Variants in SGMS1 observed in about 807,000 individuals in gnomAD.
SGMS1 encodes sphingomyelin synthase 1, also known as phosphatidylcholine:ceramide cholinephosphotransferase 1.
A neutral mutation model predicts 46.2 loss-of-function variants in SGMS1; 13 were observed. That is an observed-to-expected ratio of 0.28 (90% CI 0.18 to 0.45). The LOEUF (loss-of-function observed/expected upper bound fraction) is 0.45, where lower values mean the gene tolerates loss of function less well. Ranked by LOEUF, SGMS1 falls within the 20% of genes least tolerant of loss-of-function variation. The pLI, the probability that SGMS1 is intolerant of heterozygous loss-of-function variation, is 1.00. For synonymous variants in SGMS1, 203 were observed against 187.8 expected (o/e 1.08, Z -0.66); for missense variants, 324 against 519.9 (o/e 0.62, Z 3.66).
intron 6 of SGMS1, among the ~76,000 whole-genome samples, chr10:50,408,419 G>C: frequency 8.5e-6 from 1 of 118,224 alleles, no homozygotes; most frequent in East Asian, 2.6e-4. Flanking sequence ...AATATACTGA[G>C]ACCTCATCTC....
At chr10:50,332,352 T>A (rs1320358172) in intron 7 of SGMS1, among the ~76,000 whole-genome samples, 1 of 152,124 alleles carries the variant, frequency 6.6e-6, no homozygotes, top group East Asian at 1.9e-4. Flanking sequence ...TCAAATGTCA[T>A]CTCTCAGAGA....
chr10:50,614,505 G>A (rs1838779270), intron 1 of SGMS1, among the ~76,000 whole-genome samples: 1 of 152,196 alleles, frequency 6.6e-6, no homozygotes, highest in African/African-American at 2.4e-5. Context: ...GCAAAGAGTG[G>A]TCCCCAGACC....
chr10:50,492,860 A>T (rs1226633838), intron 3 of SGMS1, among the ~76,000 whole-genome samples: 1 of 152,214 alleles, frequency 6.6e-6, no homozygotes, highest in Non-Finnish European at 1.5e-5. Flanking sequence ...CTAATGAAAA[A>T]GAACAAGAAC....
intron 6 of SGMS1, among the ~76,000 whole-genome samples, chr10:50,422,517 T>C (rs1173943280): frequency 6.6e-6 from 1 of 152,182 alleles, no homozygotes; most frequent in Non-Finnish European, 1.5e-5. Context: ...AGAGTTTTCA[T>C]GTAAAATCCC....
At chr10:50,355,697 C>T (rs955109610) in intron 6 of SGMS1, among the ~76,000 whole-genome samples, 11 of 152,224 alleles carry the variant, frequency 7.2e-5, no homozygotes, top group Admixed American at 3.3e-4. Context: ...GCTGCCACCC[C>T]GTCTAGGAAG....
chr10:50,306,961 T>C lies in SGMS1; in HGVS notation c.*181A>G. ...TAGGTTAAATTTTTCTTTATTGTTGTCCAACGCAGGTCCTTTGGAGAGAAA... is the reference window on the plus strand; with the variant it reads ...TAGGTTAAATTTTTCTTTATTGTTGCCCAACGCAGGTCCTTTGGAGAGAAA... On this transcript the variant is annotated 3_prime_UTR_variant, in exon 11 of 11. Coordinates refer to ENST00000361781, the MANE Select transcript of SGMS1 (RefSeq NM_147156.4). The C allele has an allele frequency of 3.3e-6, 2 of 601,440 alleles. No individual in the cohort carries two copies. Among genetic ancestry groups the C allele is most frequent in the Non-Finnish European group, 5.7e-6 (2 of 352,992 alleles). 37.3% of individuals were successfully genotyped at this position (601,440 alleles called of 1,614,324 possible). A position where few individuals can be genotyped will look rare whatever the true frequency, so the allele number is the denominator to read the frequency against.
At chr10:50,457,168 T>C (rs369912542) in intron 5 of SGMS1, among the ~76,000 whole-genome samples, 96 of 152,288 alleles carry the variant, frequency 6.3e-4, no homozygotes, top group African/African-American at 2.1e-3. Flanking sequence ...AAAAGAACAT[T>C]TAAGCACATA....
chr10:50,428,441 T>C (rs1272821211), intron 6 of SGMS1, among the ~76,000 whole-genome samples: 2 of 152,116 alleles, frequency 1.3e-5, no homozygotes, highest in African/African-American at 4.8e-5. Context: ...AGTATAATCC[T>C]TTCACAGGGA....
upstream of SGMS1, chr10:50,625,007 GA>G (rs1838909192): frequency 2.0e-6 from 2 of 1,016,334 alleles, no homozygotes; most frequent in Non-Finnish European, 2.4e-6. Context: ...GAGCTGGCGG[GA>G]CCGTCCTCCC....
chr10:50,557,049 C>T (rs1838194879), intron 2 of SGMS1, among the ~76,000 whole-genome samples: 1 of 152,168 alleles, frequency 6.6e-6, no homozygotes, highest in African/African-American at 2.4e-5. Context: ...ATAAGCTTCA[C>T]ATAGTAGGCT....
intron 5 of SGMS1, among the ~76,000 whole-genome samples, chr10:50,458,039 C>G (rs561827931): frequency 4.6e-5 from 7 of 152,306 alleles, no homozygotes; most frequent in Non-Finnish European, 7.4e-5. Flanking sequence ...CCCAAGCAGA[C>G]ACATCCAGTT....
intron 6 of SGMS1, among the ~76,000 whole-genome samples, chr10:50,363,210 C>CGAAGAGAACAGAAGA (rs1369278582): frequency 1.3e-5 from 2 of 151,848 alleles, no homozygotes; most frequent in African/African-American, 4.8e-5. Flanking sequence ...TCAAAACAGT[C>CGAAGAGAACAGAAGA]GAAGAGAACA....
At chr10:50,469,892 C>A (rs1196210372) in intron 3 of SGMS1, among the ~76,000 whole-genome samples, 1 of 152,210 alleles carries the variant, frequency 6.6e-6, no homozygotes, top group East Asian at 1.9e-4. Flanking sequence ...AAGGCATTGG[C>A]AAGCTCCCAC....
At chr10:50,552,370 G>T (rs1201343352) in intron 2 of SGMS1, among the ~76,000 whole-genome samples, 1 of 152,174 alleles carries the variant, frequency 6.6e-6, no homozygotes, top group Non-Finnish European at 1.5e-5. Flanking sequence ...TTTTTGATAT[G>T]TAAGTAGACA....
At chr10:50,388,471 T>TAA (rs56992240) in intron 6 of SGMS1, among the ~76,000 whole-genome samples, 32 of 85,106 alleles carry the variant, frequency 3.8e-4, no homozygotes, top group African/African-American at 1.0e-3. Flanking sequence ...CTGTCTCTAC[T>TAA]AAAAAAAAAA....
chr10:50,432,948 C>G (rs554808152), intron 6 of SGMS1, among the ~76,000 whole-genome samples: 2 of 152,298 alleles, frequency 1.3e-5, no homozygotes, highest in African/African-American at 4.8e-5. Flanking sequence ...CCATATGTAA[C>G]TGTCAGATAA....
chr10:50,400,081 T>C (rs929073421), intron 6 of SGMS1, among the ~76,000 whole-genome samples: 1 of 150,820 alleles, frequency 6.6e-6, no homozygotes, highest in Non-Finnish European at 1.5e-5. Flanking sequence ...GTGCGTGAGG[T>C]GCTAGGAATG....
intron 3 of SGMS1, among the ~76,000 whole-genome samples, chr10:50,486,390 G>A (rs1330804067): frequency 6.6e-6 from 1 of 152,094 alleles, no homozygotes; most frequent in Non-Finnish European, 1.5e-5. Context: ...CTACGGAACG[G>A]GAGAGAATTT....
At chr10:50,582,071 T>C (rs1293894467) in intron 2 of SGMS1, among the ~76,000 whole-genome samples, 1 of 152,252 alleles carries the variant, frequency 6.6e-6, no homozygotes, top group Non-Finnish European at 1.5e-5. Context: ...GAATGCTGAA[T>C]GGCAAGCACT....
Sources: gnomAD v4.1 joint callset for allele counts (sites outside exome capture counted in the v4.1 genomes callset) on GRCh38, gnomAD v4.1.1 for gene constraint, MANE v1.5 for transcripts, NCBI Gene and HGNC (gene_info 2026-07-23, HGNC 2026-07-21) for gene names.